Variants in SEC22A observed in about 807,000 individuals in gnomAD.
The protein encoded by SEC22A is SEC22 homolog A, vesicle trafficking protein.
Under a neutral mutation model 35.3 loss-of-function variants are expected in SEC22A, and 22 were observed. The ratio of observed to expected loss-of-function variants is 0.62; its 90% CI spans 0.45 to 0.89. The LOEUF is 0.89. Among genes scored for constraint, SEC22A ranks in the 40% least tolerant of loss-of-function variants. SEC22A has a pLI of 0.00. For synonymous variants in SEC22A, 119 were observed against 129.5 expected, an observed-to-expected ratio of 0.92 and a Z score of 0.55; for missense variants, 354 against 362.5, an observed-to-expected ratio of 0.98 and a Z score of 0.19.
At chr3:123,238,849 G>T (rs1937474406) in intron 4 of SEC22A, among the ~76,000 whole-genome samples, 1 of 151,974 alleles carries the variant, frequency 6.6e-6, no homozygotes, top group Non-Finnish European at 1.5e-5. Context: ...TTAAATGAAG[G>T]GTACTGTGTT....
At chr3:123,237,936 G>C (rs905221007) in intron 4 of SEC22A, among the ~76,000 whole-genome samples, 1 of 152,122 alleles carries the variant, frequency 6.6e-6, no homozygotes, top group African/African-American at 2.4e-5. Context: ...AGGATGGTTT[G>C]AGCCTAGGTG....
intron 4 of SEC22A, among the ~76,000 whole-genome samples, chr3:123,228,598 A>G (rs9857209): frequency 0.19 from 28,105 of 148,082 alleles, 2,884 homozygotes; most frequent in Middle Eastern, 0.27. Context: ...AAAAAAAGAA[A>G]GAAAATATGA....
intron 6 of SEC22A, among the ~76,000 whole-genome samples, chr3:123,270,243 AT>A (rs1202822621): frequency 1.3e-5 from 2 of 151,874 alleles, no homozygotes; most frequent in Admixed American, 6.6e-5. Context: ...AGAAAAAGCT[AT>A]TTTTTTCTAT....
At position 123,253,726 on chromosome 3, in the gene SEC22A, A is replaced by AG. The variant is rs1190539589; in HGVS notation, c.658-5798_658-5797insG. Among the ~76,000 whole-genome samples, 8 of 151,356 alleles carry AG rather than the reference A, an allele frequency of 5.3e-5. No homozygotes were observed. In the South Asian group the frequency reaches 8.3e-4, roughly 16 times the overall value. ...AGACTCCATCTCAAAAAAAAAAAAA[A>AG]AAAGAAAGAAAGAAATTATGTCCCT... On this transcript the variant is annotated intron_variant, in intron 5 of 6. Coordinates refer to ENST00000492595, the MANE Select transcript of SEC22A (RefSeq NM_012430.5).
Position 123,272,696 on chromosome 3 carries a change from A to AG in SEC22A, c.*976dup, listed in dbSNP as rs1346036502. On this transcript the variant is annotated 3_prime_UTR_variant, in exon 7 of 7. Transcript: ENST00000492595. ...GGGAGATGTTACCAGCACCAGCATGAGGCACTGTCTCTGGAATAGTCAGAG... is the reference window on the plus strand; with the variant it reads ...GGGAGATGTTACCAGCACCAGCATGAGGGCACTGTCTCTGGAATAGTCAGAG... 1 of 153,738 alleles carries AG rather than the reference A, an allele frequency of 6.5e-6. No homozygotes were observed. The highest frequency in any genetic ancestry group is 1.5e-5 in the Non-Finnish European group (1 of 68,062). 9.5% of individuals were successfully genotyped at this position (153,738 alleles called of 1,614,324 possible).
chr3:123,232,012 A>T (rs1375551923), intron 4 of SEC22A, among the ~76,000 whole-genome samples: 1 of 152,118 alleles, frequency 6.6e-6, no homozygotes, highest in African/African-American at 2.4e-5. Flanking sequence ...GCTGAGGTGG[A>T]TGCATCACTT....
intron 4 of SEC22A, among the ~76,000 whole-genome samples, chr3:123,233,424 T>A (rs1401700369): frequency 6.6e-6 from 1 of 152,174 alleles, no homozygotes; most frequent in Non-Finnish European, 1.5e-5. Flanking sequence ...CAATATCACC[T>A]AATGACACAT....
chr3:123,218,622 C>T (rs76961813), intron 2 of SEC22A, among the ~76,000 whole-genome samples: 1 of 152,128 alleles, frequency 6.6e-6, no homozygotes, highest in East Asian at 1.9e-4. Flanking sequence ...CGAAGATTCA[C>T]TGACCTGAAC....
intron 4 of SEC22A, among the ~76,000 whole-genome samples, chr3:123,239,026 TC>T (rs2108068567): frequency 6.6e-6 from 1 of 152,266 alleles, no homozygotes; most frequent in African/African-American, 2.4e-5. Flanking sequence ...TCCCCACTCA[TC>T]CACTCACTAA....
chr3:123,260,131 C>CAAAAAA lies in SEC22A; in HGVS notation c.723+575_723+580dup, dbSNP rs533386545. On this transcript the variant is annotated intron_variant, in intron 6 of 6. Transcript: ENST00000492595. Reference sequence around the variant, plus strand: ...TGGGCAACAGAGCGAGACTACATCTCAAAAAAAAAAAAAAAAAAAAAAAAA... The same window carrying CAAAAAA: ...TGGGCAACAGAGCGAGACTACATCTCAAAAAAAAAAAAAAAAAAAAAAAAAAAAAAA... Among the ~76,000 whole-genome samples, 19 of 49,784 alleles carry CAAAAAA rather than the reference C, an allele frequency of 3.8e-4. 1 individual carries two copies. The highest frequency in any genetic ancestry group is 9.8e-4 in the African/African-American group (10 of 10,160). The allele number at this position is 49,784 out of a possible 152,430, so 32.7% of individuals were successfully genotyped here.
intron 4 of SEC22A, among the ~76,000 whole-genome samples, chr3:123,226,561 AGTT>A (rs759986546): frequency 2.6e-4 from 39 of 152,034 alleles, no homozygotes; most frequent in Admixed American, 5.2e-4. Flanking sequence ...TTTCATATAG[AGTT>A]GTTTGAGCTC....
At chr3:123,259,882 C>T (rs1937837884) in intron 6 of SEC22A, among the ~76,000 whole-genome samples, 1 of 151,984 alleles carries the variant, frequency 6.6e-6, no homozygotes, top group South Asian at 2.1e-4. Flanking sequence ...CCTGTAATCC[C>T]AGCACTTTAG....
chr3:123,221,265 A>G (rs9847640), intron 2 of SEC22A, among the ~76,000 whole-genome samples: 90,484 of 151,012 alleles, frequency 0.6, 27,346 homozygotes, highest in African/African-American at 0.62. Context: ...GAGGTCAGGA[A>G]TTTGAGACCA....
Position 123,271,883 on chromosome 3 carries a change from G to T in SEC22A, c.*161G>T. 4 of 616,216 alleles carry T rather than the reference G, an allele frequency of 6.5e-6. No individual in the cohort carries two copies. Among genetic ancestry groups the T allele is most frequent in the Non-Finnish European group, 1.1e-5 (4 of 354,050 alleles). 38.2% of individuals were successfully genotyped at this position (616,216 alleles called of 1,614,324 possible). ...ATCAGCATGATGTGCCTGTGAGCAT[G>T]GAAGAGTCCTCTCAGAAGAATGTTG... On this transcript the variant is annotated 3_prime_UTR_variant, in exon 7 of 7. Transcript: ENST00000492595.
At chr3:123,246,039 AG>A in intron 5 of SEC22A, 25 bp downstream of exon 5, 3 of 1,215,444 alleles carry the variant, frequency 2.5e-6, no homozygotes, top group Non-Finnish European at 3.7e-6. Context: ...TTGCAATTTC[AG>A]GTGACTGTGC....
At chr3:123,250,444 A>T (rs967258307) in intron 5 of SEC22A, among the ~76,000 whole-genome samples, 6 of 152,170 alleles carry the variant, frequency 3.9e-5, no homozygotes, top group African/African-American at 1.4e-4. Flanking sequence ...GTTGGAGGAA[A>T]ACTGGAAAGG....
At chr3:123,223,952 G>A (rs1260434121) in intron 3 of SEC22A, among the ~76,000 whole-genome samples, 2 of 152,150 alleles carry the variant, frequency 1.3e-5, no homozygotes, top group Non-Finnish European at 2.9e-5. Flanking sequence ...TAATGCCAGA[G>A]GATAACTTCT....
At chr3:123,203,960 C>T (rs189152465) in intron 1 of SEC22A, among the ~76,000 whole-genome samples, 2 of 152,152 alleles carry the variant, frequency 1.3e-5, no homozygotes, top group Non-Finnish European at 2.9e-5. Flanking sequence ...ATAGGAATGT[C>T]GAACACTGCT....
In SEC22A at chr3:123,225,276, G is replaced by T. The variant is rs770938995; in HGVS notation, c.520G>T (p.Gly174Cys). The change falls in exon 4 of 7, where the codon GGT becomes TGT. Residue 174 changes from glycine to cysteine, a missense_variant. Transcript: ENST00000492595. ...ATCAGCATTTTCTGTTGACTGTAAA[G>T]GTGCTGGTAAGATTTCTTCTGGTGA... ...VTSAFSVDCK[G>C]AGKISSAHQR... 3 of 1,608,234 alleles carry T rather than the reference G, an allele frequency of 1.9e-6. No homozygotes were observed. The highest frequency in any genetic ancestry group is 1.7e-5 in the Admixed American group (1 of 59,494).
Sources: allele counts gnomAD v4.1 joint callset (sites outside exome capture counted in the v4.1 genomes callset), GRCh38; gene constraint gnomAD v4.1.1; transcripts MANE v1.5; gene names NCBI Gene and HGNC (gene_info 2026-07-23, HGNC 2026-07-21).